UNC13B: variants seen among roughly 807,000 people sequenced by gnomAD.
UNC13B encodes unc-13 homolog B.
In UNC13B, 144 loss-of-function variants were observed where a neutral mutation model predicts 211.0. The observed-to-expected ratio is 0.68, with a 90% CI of 0.60 to 0.78. UNC13B has a LOEUF of 0.78. Among genes scored for constraint, UNC13B ranks in the 30% least tolerant of loss-of-function variants. UNC13B has a pLI of 0.00. For synonymous variants in UNC13B, 709 were observed against 725.8 expected (o/e 0.98, Z 0.37); for missense variants, 1,777 against 2,002.0 (o/e 0.89, Z 2.14).
At chr9:35,366,855 C>G (rs988346509) in intron 11 of UNC13B, 92 bp from the exon 12 acceptor site, 2 of 1,094,490 alleles carry the variant, frequency 1.8e-6, no homozygotes, top group African/African-American at 1.5e-5. Flanking sequence ...ACTTACACTG[C>G]TCTGGGCTTG....
intron 1 of UNC13B, among the ~76,000 whole-genome samples, chr9:35,180,255 AAATT>A (rs1440128653): frequency 6.6e-6 from 1 of 152,050 alleles, no homozygotes; most frequent in East Asian, 1.9e-4. Flanking sequence ...ATTTTTGGAG[AAATT>A]AATTTTTTTT....
Position 35,377,578 on chromosome 9 carries a change from G to T in UNC13B, c.9946G>T (p.Glu3316Ter). The T allele has an allele frequency of 6.2e-7, 1 of 1,614,246 alleles. No individual in the cohort carries two copies. The highest frequency in any genetic ancestry group is 8.5e-7 in the Non-Finnish European group (1 of 1,180,046). Residue 3316 changes from glutamate (E) to a stop codon, truncating the protein, a stop_gained, in exon 16 of 40, where the codon GAA becomes TAA. Transcript: ENST00000635942. LOFTEE classifies it high-confidence loss of function. ...IRERNKPEIFEVIRDVFTVNK... is the reference protein window; with the variant it reads ...IRERNKPEIF ...AGAGCGAAATAAGCCAGAGATCTTTGAAGTTATCCGGGACGTCTTCACAGT... is the reference window on the plus strand; with the variant it reads ...AGAGCGAAATAAGCCAGAGATCTTTTAAGTTATCCGGGACGTCTTCACAGT...
intron 11 of UNC13B, among the ~76,000 whole-genome samples, chr9:35,314,771 T>C (rs1014416130): frequency 6.7e-6 from 1 of 150,316 alleles, no homozygotes; most frequent in African/African-American, 2.5e-5. Context: ...CTCCCACTTA[T>C]AAGTGAGACC....
At position 35,246,902 on chromosome 9, in the gene UNC13B, C is replaced by T. The variant is rs189882846; in HGVS notation, c.468+3538C>T. Among the ~76,000 whole-genome samples, 4 of 152,222 alleles carry T rather than the reference C, an allele frequency of 2.6e-5. No individual in the cohort carries two copies. The East Asian group carries it at 7.7e-4, about 29-fold the overall frequency. On this transcript the variant is annotated intron_variant, in intron 6 of 39. Transcript: ENST00000635942. ...ATTCTGTGAAGAAAGTCATTGGTAG[C>T]TTGATGGGGGGATGGCATTGAATCT...
chr9:35,313,939 A>C lies in UNC13B; in HGVS notation c.9364A>C (p.Arg3122=). 6.2e-7 allele frequency: 1 copy of C among 1,614,006 alleles called. No individual in the cohort carries two copies. Among genetic ancestry groups the C allele is most frequent in the Non-Finnish European group, 8.5e-7 (1 of 1,179,900 alleles). Residue 3122 remains arginine, a synonymous_variant, in exon 11 of 40, where the codon AGA becomes CGA. Coordinates refer to ENST00000635942, the MANE Select transcript of UNC13B (RefSeq NM_001371189.2). ...ENASSPFTQA[R]AHWIRAVTKV... ...TGCATCTTCACCATTTACCCAAGCC[A>C]GAGCACATTGGATCCGAGCAGTTAC...
intron 8 of UNC13B, among the ~76,000 whole-genome samples, chr9:35,296,970 C>G (rs1315897279): frequency 6.6e-6 from 1 of 152,000 alleles, no homozygotes; most frequent in African/African-American, 2.4e-5. Flanking sequence ...TATATTTGTT[C>G]CTTTCTGGTC....
intron 1 of UNC13B, among the ~76,000 whole-genome samples, chr9:35,212,308 C>T (rs536740628): frequency 2.0e-5 from 3 of 152,356 alleles, no homozygotes; most frequent in South Asian, 4.1e-4. Flanking sequence ...CGCACTGGCT[C>T]ATGCCTGTAA....
chr9:35,233,014 T>C (rs570498414), intron 3 of UNC13B, among the ~76,000 whole-genome samples: 4 of 152,272 alleles, frequency 2.6e-5, no homozygotes, highest in Admixed American at 2.0e-4. Flanking sequence ...TCATGTTTCT[T>C]TCTCACTGGT....
At position 35,302,751 on chromosome 9, in the gene UNC13B, G is replaced by A. The variant is rs1829747539; in HGVS notation, c.3347G>A (p.Cys1116Tyr). 5.0e-6 allele frequency: 2 copies of A among 398,514 alleles called. No individual in the cohort carries two copies. Among genetic ancestry groups the A allele is most frequent in the Admixed American group, 4.4e-5 (1 of 22,700 alleles). 24.7% of individuals were successfully genotyped at this position (398,514 alleles called of 1,614,324 possible). Residue 1116 changes from cysteine (C) to tyrosine (Y), a missense_variant, in exon 9 of 40, where the codon TGT becomes TAT. Cys to Tyr is a radical substitution (Grantham distance 194). Coordinates refer to ENST00000635942, the MANE Select transcript of UNC13B (RefSeq NM_001371189.2). ...SSVASDSSLE[C>Y]ISTTSKSTLV... ...GTAGCATCAGACTCTTCATTAGAGT[G>A]TATTTCTACCACTTCCAAATCCACT...
intron 1 of UNC13B, among the ~76,000 whole-genome samples, chr9:35,187,334 C>G (rs1822415998): frequency 6.6e-6 from 1 of 152,164 alleles, no homozygotes; most frequent in African/African-American, 2.4e-5. Flanking sequence ...ATTGATCCAG[C>G]TTTTTACATT....
At chr9:35,275,610 T>C (rs1828131971) in intron 7 of UNC13B, among the ~76,000 whole-genome samples, 2 of 152,202 alleles carry the variant, frequency 1.3e-5, no homozygotes, top group South Asian at 4.1e-4. Flanking sequence ...TCATTTATTC[T>C]GAGATGGAGT....
chr9:35,371,027 C>T (rs568784894), intron 13 of UNC13B, among the ~76,000 whole-genome samples: 1 of 152,326 alleles, frequency 6.6e-6, no homozygotes, highest in South Asian at 2.1e-4. Context: ...TTTCTGTAGC[C>T]TTGTGGGTAG....
chr9:35,170,480 G>A (rs2131257071), intron 1 of UNC13B, among the ~76,000 whole-genome samples: 1 of 151,156 alleles, frequency 6.6e-6, no homozygotes, highest in East Asian at 2.0e-4. Flanking sequence ...TTTATGATTA[G>A]TTTTTTGAGA....
At chr9:35,309,242 TG>T (rs1325446780) in intron 9 of UNC13B, among the ~76,000 whole-genome samples, 1 of 151,692 alleles carries the variant, frequency 6.6e-6, no homozygotes. Context: ...TGTGTGTGTG[TG>T]TGTGTGTGTG....
chr9:35,312,295 C>T (rs1287852557), intron 10 of UNC13B, among the ~76,000 whole-genome samples: 1 of 152,198 alleles, frequency 6.6e-6, no homozygotes, highest in Admixed American at 6.5e-5. Flanking sequence ...ATAGATGAGT[C>T]GCAAACCTTT....
At chr9:35,193,657 CAAAAAAAAAA>C (rs748105027) in intron 1 of UNC13B, among the ~76,000 whole-genome samples, 1 of 56,184 alleles carries the variant, frequency 1.8e-5, no homozygotes, top group Non-Finnish European at 4.1e-5. Context: ...GACTCCGTCT[CAAAAAAAAAA>C]AAAAAAAAAA....
chr9:35,262,620 G>C (rs2131640996), intron 7 of UNC13B, among the ~76,000 whole-genome samples: 1 of 152,058 alleles, frequency 6.6e-6, no homozygotes, highest in South Asian at 2.1e-4. Context: ...ACTTGGCCTA[G>C]TCTTCTTTAA....
intron 1 of UNC13B, among the ~76,000 whole-genome samples, chr9:35,182,576 C>T (rs993545464): frequency 1.3e-4 from 20 of 151,950 alleles, no homozygotes; most frequent in Admixed American, 9.8e-4. Flanking sequence ...CAGATAAACA[C>T]GTGAACAAAG....
chr9:35,165,507 T>G (rs984557944), intron 1 of UNC13B, among the ~76,000 whole-genome samples: 1 of 150,664 alleles, frequency 6.6e-6, no homozygotes, highest in African/African-American at 2.4e-5. Flanking sequence ...AACTTCTGCC[T>G]CCCAGGTTCA....
Sources: gnomAD v4.1 joint callset for allele counts (sites outside exome capture counted in the v4.1 genomes callset) on GRCh38, gnomAD v4.1.1 for gene constraint, MANE v1.5 for transcripts, NCBI Gene and HGNC (gene_info 2026-07-23, HGNC 2026-07-21) for gene names.